ZNF778: variants seen among roughly 807,000 people sequenced by gnomAD.
The protein encoded by ZNF778 is zinc finger protein 778.
ZNF778 carries 37 observed loss-of-function variants against 23.9 expected under a neutral mutation model. The observed-to-expected ratio is 1.54, with a 90% CI of 1.19 to 2.03. The LOEUF (loss-of-function observed/expected upper bound fraction) is 2.03, where lower values mean the gene tolerates loss of function less well. Among genes scored for constraint, ZNF778 ranks in the 30% most tolerant of loss-of-function variants. The pLI is 0.00. For synonymous variants in ZNF778, 483 were observed against 343.9 expected (o/e 1.40, Z -4.48); for missense variants, 1,297 against 934.4 (o/e 1.39, Z -5.06).
chr16:89,219,276 C>T (rs959156404), intron 1 of ZNF778, among the ~76,000 whole-genome samples: 1 of 152,196 alleles, frequency 6.6e-6, no homozygotes, highest in Non-Finnish European at 1.5e-5. Flanking sequence ...CCTAGAACAA[C>T]CCCTGTGGTT....
Position 89,237,006 on chromosome 16 carries a change from G to T in ZNF778, c.*8444G>T, listed in dbSNP as rs2032256274. 1 of 152,180 alleles carries T rather than the reference G, an allele frequency of 6.6e-6. No homozygotes were observed. The highest frequency in any genetic ancestry group is 2.1e-4 in the South Asian group (1 of 4,824). 9.4% of individuals were successfully genotyped at this position (152,180 alleles called of 1,614,324 possible). On this transcript the variant is annotated 3_prime_UTR_variant, in exon 7 of 7. Coordinates refer to ENST00000433976, the MANE Select transcript of ZNF778 (RefSeq NM_001201407.2). ...GAGAATCACTTGAACCCAGGAGGTGGAGGTTGCAGTCAGTCGAGATTGTGC... is the reference window on the plus strand; with the variant it reads ...GAGAATCACTTGAACCCAGGAGGTGTAGGTTGCAGTCAGTCGAGATTGTGC...
At chr16:89,220,543 A>C (rs2030828808) in intron 1 of ZNF778, among the ~76,000 whole-genome samples, 1 of 152,214 alleles carries the variant, frequency 6.6e-6, no homozygotes, top group South Asian at 2.1e-4. Context: ...CTGTAGTCTC[A>C]GCTACTTGGT....
At chr16:89,224,893 G>A in intron 5 of ZNF778, 91 bp downstream of exon 5, 5 of 947,348 alleles carry the variant, frequency 5.3e-6, no homozygotes, top group South Asian at 1.4e-5. Context: ...GAAGGATTGT[G>A]TCAAGTTAAG....
intron 6 of ZNF778, among the ~76,000 whole-genome samples, chr16:89,226,252 C>T (rs543453138): frequency 1.2e-4 from 18 of 152,208 alleles, no homozygotes; most frequent in African/African-American, 4.1e-4. Context: ...GTTGCCCAGG[C>T]TGGAATGCAA....
chr16:89,223,599 A>G (rs1334152138), intron 4 of ZNF778, among the ~76,000 whole-genome samples: 1 of 152,184 alleles, frequency 6.6e-6, no homozygotes, highest in East Asian at 1.9e-4. Flanking sequence ...TCTAACACTG[A>G]GAACCACTGG....
At chr16:89,225,395 ATCT>A (rs1201670991) in intron 5 of ZNF778, among the ~76,000 whole-genome samples, 157 bp from the exon 6 acceptor site, 1 of 151,836 alleles carries the variant, frequency 6.6e-6, no homozygotes, top group East Asian at 1.9e-4. Flanking sequence ...GTATTTTAAA[ATCT>A]TCTAAATTAT....
chr16:89,228,258 C>T lies in ZNF778; in HGVS notation c.1970C>T (p.Ser657Phe), dbSNP rs1260172342. 3 of 1,605,642 alleles carry T rather than the reference C, an allele frequency of 1.9e-6. No individual in the cohort carries two copies. Among genetic ancestry groups the T allele is most frequent in the Admixed American group, 1.7e-5 (1 of 59,702 alleles). ...CKECGKAFAS[S>F]SHLIEHRRTH... The stretch of plus-strand genomic sequence containing the variant: ...GAGTGTGGGAAAGCCTTTGCTTCCT[C>T]CTCACACCTTATCGAACACAGAAGG... Residue 657 changes from serine to phenylalanine, a missense_variant, in exon 7 of 7, where the codon TCC becomes TTC. Ser to Phe is a radical substitution (Grantham distance 155, BLOSUM62 -2). Transcript: ENST00000433976.
rs759987081 is a variant in ZNF778 at position 89,221,167 on chromosome 16, G to A, written c.25+15G>A. The A allele has an allele frequency of 4.2e-5, 66 of 1,556,216 alleles. No homozygotes were observed. Among genetic ancestry groups the A allele is most frequent in the Non-Finnish European group, 5.6e-5 (64 of 1,150,638 alleles). ...CCTGGCCCACGGTAAGTCCTGGTGGGGCTCCTTCTCAGAGCCTCTGCTCTA... is the reference window on the plus strand; with the variant it reads ...CCTGGCCCACGGTAAGTCCTGGTGGAGCTCCTTCTCAGAGCCTCTGCTCTA... On this transcript the variant is annotated intron_variant, in intron 2 of 6. Coordinates refer to ENST00000433976, the MANE Select transcript of ZNF778 (RefSeq NM_001201407.2).
At position 89,229,473 on chromosome 16, in the gene ZNF778, C is replaced by T. The variant is rs1253746785; in HGVS notation, c.*911C>T. 68 of 956,536 alleles carry T rather than the reference C, an allele frequency of 7.1e-5. 3 individuals are homozygous for T. Among genetic ancestry groups the T allele is most frequent in the Middle Eastern group, 5.6e-4 (1 of 1,782 alleles). 59.3% of individuals were successfully genotyped at this position (956,536 alleles called of 1,614,324 possible). A position where few individuals can be genotyped will look rare whatever the true frequency, so the allele number is the denominator to read the frequency against. ...TGCAGATGTGATTCTGTGTGAGCAG[C>T]GTAGGCTCTGGTTGGTTAGTCTTGA... On this transcript the variant is annotated 3_prime_UTR_variant, in exon 7 of 7. Transcript: ENST00000433976.
At chr16:89,225,111 G>GTTT (rs540637883) in intron 5 of ZNF778, among the ~76,000 whole-genome samples, 1 of 33,896 alleles carries the variant, frequency 3.0e-5, no homozygotes, top group Non-Finnish European at 5.5e-5. Context: ...CAGTTTGTGG[G>GTTT]TTTTTTTTTT....
At position 89,229,365 on chromosome 16, in the gene ZNF778, A is replaced by T; in HGVS notation, c.*803A>T. The T allele has an allele frequency of 1.0e-6, 1 of 984,740 alleles. No individual in the cohort carries two copies. Among genetic ancestry groups the T allele is most frequent in the Non-Finnish European group, 1.2e-6 (1 of 830,016 alleles). 61.0% of individuals were successfully genotyped at this position (984,740 alleles called of 1,614,324 possible). On this transcript the variant is annotated 3_prime_UTR_variant, in exon 7 of 7. Transcript: ENST00000433976. Reference sequence around the variant, plus strand: ...GATCCAGATGTGATCTTGTGTGAGCACTGTAGGCTCTGGTTGGTTAGTCTT... The same window carrying T: ...GATCCAGATGTGATCTTGTGTGAGCTCTGTAGGCTCTGGTTGGTTAGTCTT...
Position 89,230,184 on chromosome 16 carries a change from A to C in ZNF778, c.*1622A>C. 1 of 448,302 alleles carries C rather than the reference A, an allele frequency of 2.2e-6. No homozygotes were observed. Among genetic ancestry groups the C allele is most frequent in the Non-Finnish European group, 2.9e-6 (1 of 339,734 alleles). 27.8% of individuals were successfully genotyped at this position (448,302 alleles called of 1,614,324 possible). On this transcript the variant is annotated 3_prime_UTR_variant, in exon 7 of 7. Coordinates refer to ENST00000433976, the MANE Select transcript of ZNF778 (RefSeq NM_001201407.2). ...TGCCCTTGTTCCTCTCCCATACCTG[A>C]TCCCTTCAGATAAAACACCAGGGTG...
chr16:89,225,727 A>ATCCT, intron 6 of ZNF778, 96 bp downstream of exon 6: 1 of 1,148,138 alleles, frequency 8.7e-7, no homozygotes, highest in Non-Finnish European at 1.3e-6. Flanking sequence ...AATTTAGAGA[A>ATCCT]GCAGGATTCA....
rs553132673 is a variant in ZNF778, at chr16:89,230,084, C to T, written c.*1522C>T. The T allele has an allele frequency of 1.3e-4, 121 of 948,742 alleles. 1 individual carries two copies. In the African/African-American group the frequency reaches 2.1e-3, roughly 16 times the overall value. The allele number at this position is 948,742 out of a possible 1,614,324, so 58.8% of individuals were successfully genotyped here. Reference sequence around the variant, plus strand: ...TAGGCTCTGGTTGGTTAGTCATGCTCTTAGGCATGACCCACCTGTAGGGTC... The same window carrying T: ...TAGGCTCTGGTTGGTTAGTCATGCTTTTAGGCATGACCCACCTGTAGGGTC... On this transcript the variant is annotated 3_prime_UTR_variant, in exon 7 of 7. Transcript: ENST00000433976.
chr16:89,225,476 T>C (rs545360136), intron 5 of ZNF778, 79 bp from the exon 6 acceptor site: 1 of 1,206,984 alleles, frequency 8.3e-7, no homozygotes, highest in African/African-American at 1.5e-5. Context: ...TTTGCTTTGT[T>C]TTTTTTTCTG....
chr16:89,222,906 C>T (rs569859411), intron 3 of ZNF778, among the ~76,000 whole-genome samples: 4 of 48,746 alleles, frequency 8.2e-5, no homozygotes, highest in Admixed American at 3.5e-4. Context: ...TGGAGGAGAG[C>T]GACAGGGTGC....
chr16:89,223,751 C>T (rs570101770), intron 4 of ZNF778, among the ~76,000 whole-genome samples: 7 of 152,208 alleles, frequency 4.6e-5, no homozygotes, highest in East Asian at 1.9e-4. Flanking sequence ...TTCTTTGGGG[C>T]GCAGAAGGAT....
rs2031952711 is a variant in ZNF778 at position 89,232,019 on chromosome 16, T to C, written c.*3457T>C. The C allele has an allele frequency of 6.5e-6, 1 of 152,936 alleles. No homozygotes were observed. The highest frequency in any genetic ancestry group is 1.5e-5 in the Non-Finnish European group (1 of 68,578). 9.5% of individuals were successfully genotyped at this position (152,936 alleles called of 1,614,324 possible). Reference sequence around the variant, plus strand: ...GACCCCCAACATTTCAAAGTGATTTTCTTGAGTAATACCATATGCTGTGAT... The same window carrying C: ...GACCCCCAACATTTCAAAGTGATTTCCTTGAGTAATACCATATGCTGTGAT... On this transcript the variant is annotated 3_prime_UTR_variant, in exon 7 of 7. Coordinates refer to ENST00000433976, the MANE Select transcript of ZNF778 (RefSeq NM_001201407.2).
chr16:89,227,883 C>A lies in ZNF778; in HGVS notation c.1595C>A (p.Pro532His), dbSNP rs759159017. The A allele has an allele frequency of 3.1e-6, 5 of 1,614,090 alleles. No homozygotes were observed. In the East Asian group the frequency reaches 1.1e-4, roughly 36 times the overall value. Residue 532 changes from proline (P) to histidine (H), a missense_variant, in exon 7 of 7, where the codon CCC becomes CAC. Physicochemically the swap from Pro to His is moderately conservative, Grantham distance 77. Coordinates refer to ENST00000433976, the MANE Select transcript of ZNF778 (RefSeq NM_001201407.2). ...KHMRTHTGEK[P>H]YECKDCGKAY... is the part of the protein sequence containing the mutation. ...ATGCGGACACACACCGGGGAGAAGC[C>A]CTATGAATGTAAGGACTGTGGGAAA...
Sources: allele counts gnomAD v4.1 joint callset (sites outside exome capture counted in the v4.1 genomes callset), GRCh38; gene constraint gnomAD v4.1.1; transcripts MANE v1.5; gene names NCBI Gene and HGNC (gene_info 2026-07-23, HGNC 2026-07-21).